SHISA6: variants seen among roughly 807,000 people sequenced by gnomAD.
The protein encoded by SHISA6 is protein shisa-6.
Under a neutral mutation model 47.9 loss-of-function variants are expected in SHISA6, and 22 were observed. The observed-to-expected ratio is 0.46, with a 90% CI of 0.33 to 0.66. The LOEUF (loss-of-function observed/expected upper bound fraction) is 0.66, where lower values mean the gene tolerates loss of function less well. Among genes scored for constraint, SHISA6 ranks in the 30% least tolerant of loss-of-function variants. SHISA6 has a pLI of 0.02. For missense variants in SHISA6, 680 were observed against 764.6 expected (o/e 0.89, Z 1.30); for synonymous variants, 388 against 337.8 (o/e 1.15, Z -1.63).
intron 2 of SHISA6, among the ~76,000 whole-genome samples, chr17:11,348,941 C>T (rs1384329297): frequency 6.6e-6 from 1 of 152,224 alleles, no homozygotes; most frequent in Non-Finnish European, 1.5e-5. Flanking sequence ...TCTTTTGCTT[C>T]TCCTACTCAT....
intron 3 of SHISA6, among the ~76,000 whole-genome samples, chr17:11,522,633 GAAAGT>G (rs1436797806): frequency 6.6e-6 from 1 of 152,100 alleles, no homozygotes; most frequent in Non-Finnish European, 1.5e-5. Flanking sequence ...CTATTTACTG[GAAAGT>G]AAAGTAAATA....
chr17:11,296,974 G>A (rs1407956898), intron 2 of SHISA6, among the ~76,000 whole-genome samples: 4 of 152,172 alleles, frequency 2.6e-5, no homozygotes, highest in African/African-American at 9.7e-5. Flanking sequence ...GAAGTCAACC[G>A]CAACCTCAGA....
At chr17:11,486,856 C>T (rs1483219512) in intron 3 of SHISA6, among the ~76,000 whole-genome samples, 1 of 152,242 alleles carries the variant, frequency 6.6e-6, no homozygotes, top group Non-Finnish European at 1.5e-5. Context: ...GGCAGACTGT[C>T]ACTACTAAGT....
chr17:11,265,140 G>A (rs1048225872), intron 2 of SHISA6, among the ~76,000 whole-genome samples: 1 of 152,222 alleles, frequency 6.6e-6, no homozygotes, highest in Non-Finnish European at 1.5e-5. Context: ...TCTTAAAATT[G>A]CTGATGCCTG....
intron 1 of SHISA6, among the ~76,000 whole-genome samples, chr17:11,247,386 T>C (rs957560263): frequency 2.6e-5 from 4 of 152,194 alleles, no homozygotes; most frequent in Non-Finnish European, 4.4e-5. Flanking sequence ...TCTGCAAGAA[T>C]TCCTACCACA....
chr17:11,387,202 C>T (rs947252341), intron 3 of SHISA6, among the ~76,000 whole-genome samples: 7 of 152,256 alleles, frequency 4.6e-5, no homozygotes, highest in African/African-American at 1.7e-4. Context: ...GAACAGATCT[C>T]GTCATCCCAT....
intron 2 of SHISA6, among the ~76,000 whole-genome samples, chr17:11,286,919 G>A (rs1449421988): frequency 1.3e-5 from 2 of 152,166 alleles, no homozygotes; most frequent in South Asian, 2.1e-4. Context: ...CTGGGAATAT[G>A]AATATTTTGG....
At chr17:11,386,592 T>G (rs1913201435) in intron 3 of SHISA6, among the ~76,000 whole-genome samples, 1 of 152,136 alleles carries the variant, frequency 6.6e-6, no homozygotes, top group Non-Finnish European at 1.5e-5. Context: ...CACAGTCCAT[T>G]TATCTGCAGA....
In SHISA6 at chr17:11,558,295, G is replaced by A. The variant is rs747465381; in HGVS notation, c.1647G>A (p.Val549=). 8 of 1,537,858 alleles carry A rather than the reference G, an allele frequency of 5.2e-6. No individual in the cohort carries two copies. The African/African-American group carries it at 1.1e-4, about 21-fold the overall frequency. Residue 549 remains valine (V), a synonymous_variant, in exon 6 of 6, where the codon GTG becomes GTA. Coordinates refer to ENST00000441885, the MANE Select transcript of SHISA6 (RefSeq NM_207386.4). The stretch of plus-strand genomic sequence containing the variant: ...GCTACACAGCCAGCAAGACCGAAGT[G>A]ACCGTGTGACCGGCGGGGCAGGGCC... ...HTCYTASKTE[V]TV
rs372051370 is a variant in SHISA6 at position 11,291,495 on chromosome 17, A to C, written c.799+27969A>C. Among the ~76,000 whole-genome samples the C allele has an allele frequency of 8.6e-5, 13 of 152,040 alleles. No individual in the cohort carries two copies. In the East Asian group the frequency reaches 2.3e-3, roughly 27 times the overall value. ...CTGAAAATACAAAAATTAGCCGGGCATGGTGGCGGGCGCCTGTAGTCCCAG... is the reference window on the plus strand; with the variant it reads ...CTGAAAATACAAAAATTAGCCGGGCCTGGTGGCGGGCGCCTGTAGTCCCAG... On this transcript the variant is annotated intron_variant, in intron 2 of 5. Transcript: ENST00000441885.
At chr17:11,386,820 A>G (rs1913211434) in intron 3 of SHISA6, among the ~76,000 whole-genome samples, 1 of 152,188 alleles carries the variant, frequency 6.6e-6, no homozygotes, top group African/African-American at 2.4e-5. Flanking sequence ...TGAAATGGAA[A>G]GCAAACCATC....
At chr17:11,411,196 G>A (rs1313386164) in intron 3 of SHISA6, among the ~76,000 whole-genome samples, 2 of 151,846 alleles carry the variant, frequency 1.3e-5, no homozygotes, top group South Asian at 2.1e-4. Flanking sequence ...TCTCGATCTC[G>A]TGACCTCGTG....
chr17:11,311,958 T>A (rs745872725), intron 2 of SHISA6, among the ~76,000 whole-genome samples: 3 of 152,186 alleles, frequency 2.0e-5, no homozygotes, highest in Non-Finnish European at 2.9e-5. Context: ...GTATTTTTAG[T>A]AGAAATGGGG....
chr17:11,482,062 G>C (rs1179603119), intron 3 of SHISA6, among the ~76,000 whole-genome samples: 1 of 152,086 alleles, frequency 6.6e-6, no homozygotes, highest in East Asian at 1.9e-4. Context: ...TAGATAATGG[G>C]AGTTCTTGAA....
At chr17:11,309,037 T>C (rs1195956136) in intron 2 of SHISA6, among the ~76,000 whole-genome samples, 2 of 152,140 alleles carry the variant, frequency 1.3e-5, no homozygotes, top group African/African-American at 2.4e-5. Flanking sequence ...CCATTATAGC[T>C]CACTGCAGCC....
At chr17:11,274,649 G>C (rs1443167802) in intron 2 of SHISA6, among the ~76,000 whole-genome samples, 1 of 152,152 alleles carries the variant, frequency 6.6e-6, no homozygotes. Context: ...AGGAGGAGAC[G>C]GCATCCGTAG....
chr17:11,350,174 A>ATTTTTTTTTTT lies in SHISA6; in HGVS notation c.800-29237_800-29236insTTTTTTTTTTT, dbSNP rs1310542458. Among the ~76,000 whole-genome samples the ATTTTTTTTTTT allele has an allele frequency of 7.8e-4, 78 of 100,414 alleles. 1 individual carries two copies. The highest frequency in any genetic ancestry group is 4.6e-3 in the Middle Eastern group (1 of 218). The allele number at this position is 100,414 out of a possible 152,430, so 65.9% of individuals were successfully genotyped here. ...GCCCGGCTAATTTATTTATTTATTT[A>ATTTTTTTTTTT]TTTATTTATTTTTTTTTTTTTTTGA... On this transcript the variant is annotated intron_variant, in intron 2 of 5. Transcript: ENST00000441885.
chr17:11,412,294 A>G (rs763327809), intron 3 of SHISA6, among the ~76,000 whole-genome samples: 25 of 152,308 alleles, frequency 1.6e-4, no homozygotes, highest in Non-Finnish European at 3.2e-4. Flanking sequence ...ACACACTGGC[A>G]TACTGTAGTG....
intron 1 of SHISA6, among the ~76,000 whole-genome samples, chr17:11,258,639 C>T (rs550297628): frequency 7.9e-5 from 12 of 152,324 alleles, no homozygotes; most frequent in African/African-American, 2.9e-4. Flanking sequence ...CTTGGAGGAA[C>T]AGGGCCCTCA....
Sources: gnomAD v4.1 joint callset for allele counts (sites outside exome capture counted in the v4.1 genomes callset) on GRCh38, gnomAD v4.1.1 for gene constraint, MANE v1.5 for transcripts, NCBI Gene and HGNC (gene_info 2026-07-23, HGNC 2026-07-21) for gene names.